Variants in TAF4B observed in about 807,000 individuals in gnomAD.
TAF4B encodes transcription initiation factor TFIID subunit 4B.
TAF4B carries 38 observed loss-of-function variants against 86.4 expected under a neutral mutation model. The ratio of observed to expected loss-of-function variants is 0.44; its 90% CI spans 0.34 to 0.58. TAF4B has a LOEUF of 0.58. Among genes scored for constraint, TAF4B ranks in the 20% least tolerant of loss-of-function variants. TAF4B has a pLI of 0.02. For synonymous variants in TAF4B, 388 were observed against 391.2 expected, an observed-to-expected ratio of 0.99 and a Z score of 0.10; for missense variants, 988 against 1,027.6, an observed-to-expected ratio of 0.96 and a Z score of 0.53.
chr18:26,290,465 T>C (rs529998468), intron 7 of TAF4B, among the ~76,000 whole-genome samples: 1 of 152,330 alleles, frequency 6.6e-6, no homozygotes, highest in African/African-American at 2.4e-5. Context: ...TATCCTTGAC[T>C]GCAAAGCTCA....
intron 1 of TAF4B, among the ~76,000 whole-genome samples, chr18:26,228,182 G>A (rs1419569503): frequency 6.6e-6 from 1 of 152,170 alleles, no homozygotes; most frequent in East Asian, 1.9e-4. Flanking sequence ...AATGATTTTG[G>A]GGTGTTCAGC....
intron 6 of TAF4B, among the ~76,000 whole-genome samples, chr18:26,283,579 A>G (rs536608824): frequency 6.6e-6 from 1 of 152,222 alleles, no homozygotes; most frequent in East Asian, 1.9e-4. Context: ...GAGCCCTAGG[A>G]TTTTTGGAAT....
chr18:26,254,881 A>G (rs2056059485), intron 1 of TAF4B, among the ~76,000 whole-genome samples: 1 of 152,184 alleles, frequency 6.6e-6, no homozygotes, highest in South Asian at 2.1e-4. Context: ...CCTCCAAGGG[A>G]TTTGCAACAG....
chr18:26,292,388 G>C lies in TAF4B; in HGVS notation c.1726+7G>C. On this transcript the variant is annotated splice_region_variant and intron_variant, in intron 8 of 14. Coordinates refer to ENST00000269142, the MANE Select transcript of TAF4B (RefSeq NM_005640.3). ...ACTAGTCAGTTTCCTCCAGGTAGAT[G>C]CTGGTCCATCTCAGTCCCATCATGC... 1 of 1,610,026 alleles carries C rather than the reference G, an allele frequency of 6.2e-7. No individual in the cohort carries two copies. Among genetic ancestry groups the C allele is most frequent in the Non-Finnish European group, 8.5e-7 (1 of 1,178,550 alleles).
intron 3 of TAF4B, among the ~76,000 whole-genome samples, chr18:26,273,936 T>C (rs947854093): frequency 1.3e-5 from 2 of 152,232 alleles, no homozygotes; most frequent in African/African-American, 4.8e-5. Context: ...CTATTCCTTA[T>C]CCCTGATCCC....
chr18:26,327,139 A>C lies in TAF4B; in HGVS notation c.2258A>C (p.Lys753Thr). 1 of 1,611,018 alleles carries C rather than the reference A, an allele frequency of 6.2e-7. No individual in the cohort carries two copies. The highest frequency in any genetic ancestry group is 1.3e-5 in the African/African-American group (1 of 75,032). ...AGAGAAATGTTACTTAAGGCAGCCA[A>C]GGTAAGGGCCAGTGTGATTTATGAG... ...EEREMLLKAAKSRSNKEDPEQ... is the reference protein window; with the variant it reads ...EEREMLLKAATSRSNKEDPEQ... Residue 753 changes from lysine to threonine, a missense_variant and splice_region_variant, in exon 12 of 15, where the codon AAG (lysine) becomes ACG (threonine). Lys to Thr is a moderately conservative substitution (Grantham distance 78). Transcript: ENST00000269142.
intron 1 of TAF4B, among the ~76,000 whole-genome samples, chr18:26,245,002 A>G (rs1054095105): frequency 6.6e-6 from 1 of 152,140 alleles, no homozygotes; most frequent in African/African-American, 2.4e-5. Context: ...TCAGCCCAGA[A>G]GTATAGGAAA....
At chr18:26,389,806 A>G in intron 14 of TAF4B, 39 bp from the exon 15 acceptor site, 2 of 1,592,440 alleles carry the variant, frequency 1.3e-6, no homozygotes, top group Non-Finnish European at 8.5e-7. Context: ...TTTATGAAAG[A>G]TTTTTATTTC....
At chr18:26,374,030 A>T (rs2057425407) in intron 14 of TAF4B, among the ~76,000 whole-genome samples, 1 of 152,178 alleles carries the variant, frequency 6.6e-6, no homozygotes, top group Non-Finnish European at 1.5e-5. Context: ...GAAAATTATC[A>T]GTTTATTATT....
At chr18:26,240,574 C>A (rs1011983716) in intron 1 of TAF4B, among the ~76,000 whole-genome samples, 2 of 152,158 alleles carry the variant, frequency 1.3e-5, no homozygotes, top group East Asian at 3.9e-4. Flanking sequence ...AATACCCTTT[C>A]TTTCTTTCTC....
intron 9 of TAF4B, among the ~76,000 whole-genome samples, chr18:26,307,824 CTG>C (rs2056810646): frequency 6.6e-6 from 1 of 152,092 alleles, no homozygotes; most frequent in South Asian, 2.1e-4. Flanking sequence ...TATTACGAGT[CTG>C]TTTGTCCTTG....
chr18:26,313,591 T>C (rs1463379553), intron 9 of TAF4B, among the ~76,000 whole-genome samples: 1 of 152,206 alleles, frequency 6.6e-6, no homozygotes, highest in African/African-American at 2.4e-5. Flanking sequence ...TTTGAGCTTT[T>C]GGTATACTGT....
intron 10 of TAF4B, among the ~76,000 whole-genome samples, chr18:26,320,294 A>G (rs181854978): frequency 6.6e-4 from 100 of 152,354 alleles, no homozygotes; most frequent in African/African-American, 2.3e-3. Context: ...CTCTGTTGAT[A>G]TAAGTGGTTT....
rs1237229612 is a variant in TAF4B, at chr18:26,370,455, T to C, written c.2421+12661T>C. ...CAGTTCTATTTCTATTGAACCACCCTTGCCAGTCCTTCTACCCCTGTCTGT... is the reference window on the plus strand; with the variant it reads ...CAGTTCTATTTCTATTGAACCACCCCTGCCAGTCCTTCTACCCCTGTCTGT... On this transcript the variant is annotated intron_variant, in intron 14 of 14. Coordinates refer to ENST00000269142, the MANE Select transcript of TAF4B (RefSeq NM_005640.3). Among the ~76,000 whole-genome samples the C allele has an allele frequency of 2.0e-5, 3 of 152,226 alleles. No homozygotes were observed. In the East Asian group the frequency reaches 5.8e-4, roughly 29 times the overall value.
In TAF4B at chr18:26,389,916, A is replaced by G; in HGVS notation, c.2493A>G (p.Arg831=). The G allele has an allele frequency of 6.2e-7, 1 of 1,614,160 alleles. No individual in the cohort carries two copies. Among genetic ancestry groups the G allele is most frequent in the Non-Finnish European group, 8.5e-7 (1 of 1,180,006 alleles). ...CCACCAAACAGTTGCATCGTCCAAG[A>G]ATCACGAGAATCTGCCTCAGGGACT... is the stretch of plus-strand genomic sequence containing the variant. ...LTATKQLHRP[R]ITRICLRDLI... is the part of the protein sequence containing the mutation. Residue 831 remains arginine, a synonymous_variant, in exon 15 of 15, where the codon AGA becomes AGG. Transcript: ENST00000269142.
intron 1 of TAF4B, among the ~76,000 whole-genome samples, chr18:26,260,259 T>A (rs974904379): frequency 2.2e-4 from 33 of 152,346 alleles, no homozygotes; most frequent in East Asian, 5.8e-4. Flanking sequence ...GTAGTTTCTT[T>A]TGCTGTGCAG....
chr18:26,315,500 C>A, intron 10 of TAF4B, 102 bp downstream of exon 10: 2 of 742,518 alleles, frequency 2.7e-6, no homozygotes, highest in South Asian at 3.6e-5. Context: ...AACTCTGAGG[C>A]TTAAATAAGA....
At chr18:26,345,542 C>T (rs2057170036) in intron 13 of TAF4B, among the ~76,000 whole-genome samples, 1 of 152,200 alleles carries the variant, frequency 6.6e-6, no homozygotes, top group Non-Finnish European at 1.5e-5. Flanking sequence ...GCACCACCTC[C>T]ACCACAAACT....
chr18:26,265,930 G>A (rs376155615), intron 2 of TAF4B: 1 of 151,610 alleles, frequency 6.6e-6, no homozygotes, highest in Admixed American at 6.6e-5. Context: ...CCACTGCCAT[G>A]CCTAGCTAAT....
Sources: allele counts gnomAD v4.1 joint callset (sites outside exome capture counted in the v4.1 genomes callset), GRCh38; gene constraint gnomAD v4.1.1; transcripts MANE v1.5; gene names NCBI Gene and HGNC (gene_info 2026-07-23, HGNC 2026-07-21).